CLEC16A: variants seen among roughly 807,000 people sequenced by gnomAD.
CLEC16A encodes C-type lectin domain containing 16A.
In CLEC16A, 51 loss-of-function variants were observed where a neutral mutation model predicts 109.5. The ratio of observed to expected loss-of-function variants is 0.47; its 90% confidence interval spans 0.37 to 0.59. CLEC16A has a LOEUF of 0.59. Ranked by LOEUF, CLEC16A falls within the 20% of genes least tolerant of loss-of-function variation. The probability of loss-of-function intolerance (pLI) is 0.00; values close to 1 mark genes in which losing one functional copy is unlikely to be tolerated. For missense variants in CLEC16A, 1,339 were observed against 1,394.0 expected (o/e 0.96, Z 0.63); for synonymous variants, 673 against 564.2 (o/e 1.19, Z -2.73).
chr16:11,074,215 T>C (rs1252438418), intron 19 of CLEC16A, among the ~76,000 whole-genome samples: 1 of 152,134 alleles, frequency 6.6e-6, no homozygotes, highest in Admixed American at 6.6e-5. Context: ...ACTTGACAGA[T>C]TGGGAAAAAA....
intron 19 of CLEC16A, among the ~76,000 whole-genome samples, chr16:11,082,986 A>G (rs1448104612): frequency 2.6e-5 from 4 of 152,124 alleles, no homozygotes; most frequent in African/African-American, 9.7e-5. Context: ...CCTCAGCCCC[A>G]GCCCCTGCAA....
chr16:11,101,069 G>A (rs1341928006), intron 19 of CLEC16A, among the ~76,000 whole-genome samples: 2 of 152,062 alleles, frequency 1.3e-5, no homozygotes, highest in African/African-American at 2.4e-5. Context: ...AATAAATAAA[G>A]GAACAAATGT....
intron 12 of CLEC16A, among the ~76,000 whole-genome samples, chr16:11,021,790 C>G (rs867570719): frequency 1.3e-5 from 2 of 152,188 alleles, no homozygotes; most frequent in African/African-American, 4.8e-5. Context: ...GAATGAGACT[C>G]TCGCTCAGAA....
At chr16:10,995,859 C>G (rs1352860949) in intron 10 of CLEC16A, among the ~76,000 whole-genome samples, 6 of 152,174 alleles carry the variant, frequency 3.9e-5, no homozygotes, top group African/African-American at 9.7e-5. Flanking sequence ...TCTCAAATCG[C>G]TTAGCAGAGC....
At position 10,954,136 on chromosome 16, in the gene CLEC16A, G is replaced by T. The variant is rs2041874092; in HGVS notation, c.81-3646G>T. On this transcript the variant is annotated intron_variant, in intron 1 of 23. Coordinates refer to ENST00000409790, the MANE Select transcript of CLEC16A (RefSeq NM_015226.3). This position sits in a 1 kb window ranked among gnomAD's most constrained non-coding sequence, Gnocchi z 4.2. ...CCAGCAGATGGCGCCACCGACCAGG[G>T]CAAAGAACACCAAGTATTGAGAGGC... is the stretch of plus-strand genomic sequence containing the variant. 1.3e-5 allele frequency among the ~76,000 whole-genome samples: 2 copies of T among 152,196 alleles called. No homozygotes were observed. Among genetic ancestry groups the T allele is most frequent in the South Asian group, 4.1e-4 (2 of 4,832 alleles).
At chr16:11,037,688 C>G (rs577025807) in intron 13 of CLEC16A, among the ~76,000 whole-genome samples, 13 of 152,286 alleles carry the variant, frequency 8.5e-5, no homozygotes, top group Non-Finnish European at 1.8e-4. Flanking sequence ...CAGCCAGGCC[C>G]TTTCTGCTAT....
intron 22 of CLEC16A, among the ~76,000 whole-genome samples, chr16:11,128,983 G>C (rs2153042690): frequency 6.6e-6 from 1 of 152,252 alleles, no homozygotes; most frequent in East Asian, 1.9e-4. Flanking sequence ...GTTGCACTTA[G>C]AACAAAATCC....
chr16:11,081,248 T>G (rs977432394), intron 19 of CLEC16A, among the ~76,000 whole-genome samples: 1 of 152,238 alleles, frequency 6.6e-6, no homozygotes, highest in Admixed American at 6.5e-5. Flanking sequence ...AGCAACCTTT[T>G]GTCCTTTTGT....
chr16:11,098,071 G>A (rs1156505616), intron 19 of CLEC16A, among the ~76,000 whole-genome samples: 1 of 152,222 alleles, frequency 6.6e-6, no homozygotes, highest in African/African-American at 2.4e-5. Flanking sequence ...AATTAAATCA[G>A]ACTGTCTGGG....
At position 11,178,569 on chromosome 16, in the gene CLEC16A, A is replaced by G; in HGVS notation, c.3041A>G (p.Asp1014Gly). 6.2e-7 allele frequency: 1 copy of G among 1,610,586 alleles called. No homozygotes were observed. Among genetic ancestry groups the G allele is most frequent in the Non-Finnish European group, 8.5e-7 (1 of 1,179,578 alleles). The change falls in exon 24 of 24, where the codon GAC becomes GGC. Residue 1014 changes from aspartate (D) to glycine (G), a missense_variant. Physicochemically the swap from Asp to Gly is moderately conservative, Grantham distance 94. This residue lies in a region of CLEC16A where 1,061 missense variants were observed against 1,006.8 expected (regional missense o/e 1.05). Transcript: ENST00000409790. This position sits in a 1 kb window ranked among gnomAD's most constrained non-coding sequence, Gnocchi z 6.5. ...VESLTLVPPVDPHSLRSLTGM... is the reference protein window; with the variant it reads ...VESLTLVPPVGPHSLRSLTGM... ...TCGCTGACCCTTGTCCCCCCAGTTG[A>G]CCCCCACAGCCTCCGCAGCCTCACC...
intron 8 of CLEC16A, 148 bp from the exon 9 acceptor site, chr16:10,979,181 C>T (rs1056464048): frequency 3.1e-5 from 19 of 619,828 alleles, no homozygotes; most frequent in African/African-American, 2.2e-4. Flanking sequence ...TTTTGAGTAG[C>T]ACCAAGAAAG....
intron 22 of CLEC16A, among the ~76,000 whole-genome samples, chr16:11,128,866 A>G (rs1363664623): frequency 6.6e-6 from 1 of 152,196 alleles, no homozygotes; most frequent in Non-Finnish European, 1.5e-5. Context: ...CAAGATTGCA[A>G]CAGAAGCCTT....
chr16:11,109,755 C>T (rs1156450909), intron 19 of CLEC16A, among the ~76,000 whole-genome samples: 2 of 152,218 alleles, frequency 1.3e-5, no homozygotes, highest in African/African-American at 2.4e-5. Context: ...GGTGAGCCTG[C>T]CTTTCCCTCA....
At chr16:11,165,214 G>C (rs927082338) in intron 22 of CLEC16A, among the ~76,000 whole-genome samples, 1 of 152,136 alleles carries the variant, frequency 6.6e-6, no homozygotes, top group African/African-American at 2.4e-5. Flanking sequence ...GTATCGGCCA[G>C]GTGTGGTGAC....
intron 1 of CLEC16A, among the ~76,000 whole-genome samples, chr16:10,945,039 C>T (rs1463699855): frequency 6.6e-6 from 1 of 152,218 alleles, no homozygotes; most frequent in African/African-American, 2.4e-5. Flanking sequence ...GTATCCCCAC[C>T]TGTAAAGCGA....
chr16:11,176,166 G>A (rs1014756776), intron 23 of CLEC16A, among the ~76,000 whole-genome samples: 3 of 152,388 alleles, frequency 2.0e-5, no homozygotes, highest in Non-Finnish European at 4.4e-5. Context: ...CAGGCAGATC[G>A]TGCTAGGTCA....
chr16:11,088,164 C>T (rs1325332469), intron 19 of CLEC16A, among the ~76,000 whole-genome samples: 2 of 152,388 alleles, frequency 1.3e-5, no homozygotes, highest in South Asian at 4.1e-4. Flanking sequence ...GTGCCAGGTG[C>T]TTGACTGGGC....
chr16:11,003,353 C>T (rs201925024), intron 11 of CLEC16A, 48 bp downstream of exon 11: 1 of 1,528,042 alleles, frequency 6.5e-7, no homozygotes, highest in Non-Finnish European at 9.0e-7. Flanking sequence ...GCCAGCCAGC[C>T]CGCCAGCGAG....
chr16:10,949,027 T>G (rs1276469575), intron 1 of CLEC16A, among the ~76,000 whole-genome samples: 1 of 152,156 alleles, frequency 6.6e-6, no homozygotes, highest in Admixed American at 6.5e-5. Flanking sequence ...CTCACTCATA[T>G]TCCCTTCCCT....
Sources: allele counts gnomAD v4.1 joint callset (sites outside exome capture counted in the v4.1 genomes callset), GRCh38; gene constraint gnomAD v4.1.1; regional missense constraint gnomAD v4.1.1; non-coding constraint Gnocchi (gnomAD v3.1); transcripts MANE v1.5; gene names NCBI Gene and HGNC (gene_info 2026-07-23, HGNC 2026-07-21).